Variants in AKAP11 observed in about 807,000 individuals in gnomAD.
AKAP11 encodes A-kinase anchoring protein 11, also known as A-kinase anchor protein 11.
Under a neutral mutation model 146.1 loss-of-function variants are expected in AKAP11, and 36 were observed. The observed-to-expected ratio is 0.25, with a 90% CI of 0.19 to 0.33. The LOEUF (loss-of-function observed/expected upper bound fraction) is 0.33. AKAP11 is among the 10% of genes least tolerant of loss of function. The pLI, the probability that AKAP11 is intolerant of heterozygous loss-of-function variation, is 1.00. For synonymous variants in AKAP11, 780 were observed against 786.5 expected, an observed-to-expected ratio of 0.99 and a Z score of 0.14; for missense variants, 2,201 against 2,197.0, an observed-to-expected ratio of 1.00 and a Z score of -0.04.
At position 42,319,950 on chromosome 13, in the gene AKAP11, T is replaced by TGTGTGTGTGTGTGTGTG; in HGVS notation, c.*722_*723insGTGTGTGTGTGTGTGTG. 7.0e-6 allele frequency: 1 copy of TGTGTGTGTGTGTGTGTG among 143,394 alleles called. No individual in the cohort carries two copies. The highest frequency in any genetic ancestry group is 1.5e-5 in the Non-Finnish European group (1 of 65,336). 8.9% of individuals were successfully genotyped at this position (143,394 alleles called of 1,614,324 possible). On this transcript the variant is annotated 3_prime_UTR_variant, in exon 13 of 13. Transcript: ENST00000025301. ...GTGTGTGTGTGTGTGTGTGTGTGTG[T>TGTGTGTGTGTGTGTGTG]AAGGGAGTACTTTAACCTTGCCAGT...
chr13:42,272,353 C>T (rs1300002907), intron 1 of AKAP11, 125 bp downstream of exon 1: 3 of 152,204 alleles, frequency 2.0e-5, no homozygotes, highest in East Asian at 1.9e-4. Context: ...GCCGCTGGTC[C>T]CCCTTCTGGC....
Position 42,302,682 on chromosome 13 carries a change from A to T in AKAP11, c.3936A>T (p.Pro1312=). ...TGGATATAGAGGCTGTAGTGCACCC[A>T]AGAGAAGTGGATCCGTTTATTCTTT... ...EKLDIEAVVH[P]REVDPFILSL... The change falls in exon 8 of 13, where the codon CCA becomes CCT. Residue 1312 remains proline (P), a synonymous_variant. Coordinates refer to ENST00000025301, the MANE Select transcript of AKAP11 (RefSeq NM_016248.4). The T allele has an allele frequency of 6.2e-7, 1 of 1,614,156 alleles. No individual in the cohort carries two copies. Among genetic ancestry groups the T allele is most frequent in the Non-Finnish European group, 8.5e-7 (1 of 1,180,024 alleles).
rs1430165475 is a variant in AKAP11 at position 42,301,492 on chromosome 13, C to T, written c.2746C>T (p.Pro916Ser). 6.2e-7 allele frequency: 1 copy of T among 1,613,716 alleles called. No homozygotes were observed. The change falls in exon 8 of 13, where the codon CCT (proline) becomes TCT (serine). Residue 916 changes from proline to serine, a missense_variant. By Grantham distance (74) the Pro-to-Ser change is moderately conservative. Transcript: ENST00000025301. ...YLTKSLKEKT[P>S]PFSHCDQAVL... ...AACTAAATCTTTAAAGGAGAAAACC[C>T]CTCCATTTTCCCACTGTGATCAGGC... is the stretch of plus-strand genomic sequence containing the variant.
At chr13:42,312,754 T>C (rs984765912) in intron 9 of AKAP11, among the ~76,000 whole-genome samples, 4 of 152,234 alleles carry the variant, frequency 2.6e-5, no homozygotes, top group African/African-American at 7.2e-5. Context: ...GTGAAACTTA[T>C]TACTTCATGC....
rs527649052 is a variant in AKAP11 at position 42,295,457 on chromosome 13, T to C, written c.169-238T>C. ...GAGAGAAGTGGATATATTTGAAATA[T>C]GTTTTGGGGTTAGAATTGATTGAAC... is the stretch of plus-strand genomic sequence containing the variant. On this transcript the variant is annotated intron_variant, in intron 4 of 12. Transcript: ENST00000025301. Among the ~76,000 whole-genome samples the C allele has an allele frequency of 3.7e-4, 56 of 152,228 alleles. 1 individual carries two copies. Among genetic ancestry groups the C allele is most frequent in the Non-Finnish European group, 1.5e-4 (10 of 68,002 alleles).
intron 4 of AKAP11, among the ~76,000 whole-genome samples, chr13:42,294,597 TTTC>T (rs1959397962): frequency 6.6e-6 from 1 of 152,066 alleles, no homozygotes; most frequent in East Asian, 1.9e-4. Flanking sequence ...AGAGACGAGG[TTTC>T]ACCATGTTGG....
chr13:42,272,116 G>A (rs1958780497), upstream of AKAP11: 3 of 149,872 alleles, frequency 2.0e-5, no homozygotes, highest in Admixed American at 2.0e-4. Context: ...GCGGGGCTGG[G>A]AGGGGGAGGG....
rs77086651 is a variant in AKAP11 at position 42,286,901 on chromosome 13, C to A, written c.51+502C>A. Among the ~76,000 whole-genome samples the A allele has an allele frequency of 5.6e-3, 857 of 152,256 alleles. 10 individuals are homozygous for A. Among genetic ancestry groups the A allele is most frequent in the African/African-American group, 0.019 (788 of 41,550 alleles). ...CCATTTCTTGACATTTTTGTCTTTG[C>A]TAAAACTTTGGAGGCACTACCCATG... On this transcript the variant is annotated intron_variant, in intron 3 of 12. Coordinates refer to ENST00000025301, the MANE Select transcript of AKAP11 (RefSeq NM_016248.4).
chr13:42,317,477 G>C, intron 11 of AKAP11, 51 bp from the exon 12 acceptor site: 1 of 1,530,954 alleles, frequency 6.5e-7, no homozygotes, highest in African/African-American at 1.4e-5. Flanking sequence ...CCAGAGTATT[G>C]AGAGTTAAAT....
chr13:42,317,447 T>C, intron 11 of AKAP11, 81 bp from the exon 12 acceptor site: 2 of 1,383,412 alleles, frequency 1.4e-6, no homozygotes, highest in Non-Finnish European at 2.0e-6. Context: ...AACCAGAAAA[T>C]ATTTGTATCT....
At chr13:42,306,749 A>C (rs1284006859) in intron 8 of AKAP11, among the ~76,000 whole-genome samples, 1 of 152,220 alleles carries the variant, frequency 6.6e-6, no homozygotes, top group African/African-American at 2.4e-5. Context: ...TGTTTGATTC[A>C]TGAACATGAC....
chr13:42,300,390 T>C lies in AKAP11; in HGVS notation c.1644T>C (p.Asp548=). The C allele has an allele frequency of 1.2e-6, 2 of 1,611,000 alleles. No individual in the cohort carries two copies. The highest frequency in any genetic ancestry group is 1.1e-5 in the South Asian group (1 of 89,818). Residue 548 remains aspartate (D), a synonymous_variant, in exon 8 of 13, where the codon GAT becomes GAC. Coordinates refer to ENST00000025301, the MANE Select transcript of AKAP11 (RefSeq NM_016248.4). The stretch of plus-strand genomic sequence containing the variant: ...AAAATAAATCCTTAATGATTAAAGA[T>C]AGCATTCAAAAATTTGCAGCAGATC... ...KSKNKSLMIK[D]SIQKFAADLV...
intron 12 of AKAP11, among the ~76,000 whole-genome samples, chr13:42,318,805 G>A (rs1960950254): frequency 6.6e-6 from 1 of 152,142 alleles, no homozygotes; most frequent in Admixed American, 6.5e-5. Flanking sequence ...GCCTCTGCAT[G>A]TCCATGCAGA....
At position 42,299,514 on chromosome 13, in the gene AKAP11, G is replaced by C. The variant is rs1959722421; in HGVS notation, c.768G>C (p.Leu256=). Residue 256 remains leucine, a synonymous_variant, in exon 8 of 13, where the codon CTG becomes CTC. Coordinates refer to ENST00000025301, the MANE Select transcript of AKAP11 (RefSeq NM_016248.4). ...AKPSTSSVNV[L]GHKELPSVKT... The stretch of plus-strand genomic sequence containing the variant: ...CCTCAACTTCCTCAGTGAATGTCCT[G>C]GGACATAAAGAACTACCTTCTGTGA... 1.2e-6 allele frequency: 2 copies of C among 1,613,896 alleles called. No homozygotes were observed. Among genetic ancestry groups the C allele is most frequent in the South Asian group, 2.2e-5 (2 of 91,080 alleles).
At chr13:42,304,071 T>A (rs929578323) in intron 8 of AKAP11, among the ~76,000 whole-genome samples, 1 of 152,178 alleles carries the variant, frequency 6.6e-6, no homozygotes, top group Non-Finnish European at 1.5e-5. Flanking sequence ...GAAGGTGTTA[T>A]CCATTTACAG....
At chr13:42,296,935 C>T in intron 5 of AKAP11, 113 bp from the exon 6 acceptor site, 1 of 796,950 alleles carries the variant, frequency 1.3e-6, no homozygotes, top group South Asian at 2.3e-5. Context: ...TATTATGAAC[C>T]AGGAAATTCA....
chr13:42,310,581 G>A (rs1312295208), intron 9 of AKAP11, among the ~76,000 whole-genome samples: 9 of 152,158 alleles, frequency 5.9e-5, no homozygotes, highest in South Asian at 2.1e-4. Flanking sequence ...GGCTGGGCGC[G>A]GTGATTCACG....
intron 1 of AKAP11, among the ~76,000 whole-genome samples, chr13:42,279,339 G>C (rs1959007770): frequency 6.6e-6 from 1 of 151,968 alleles, no homozygotes. Context: ...TGGAACTCCA[G>C]TTATTCACCT....
intron 4 of AKAP11, among the ~76,000 whole-genome samples, chr13:42,293,288 A>G (rs927398174): frequency 1.3e-5 from 2 of 152,214 alleles, no homozygotes; most frequent in African/African-American, 4.8e-5. Context: ...TTGAAAATGC[A>G]TTTAAGACCT....
Sources: allele counts gnomAD v4.1 joint callset (sites outside exome capture counted in the v4.1 genomes callset), GRCh38; gene constraint gnomAD v4.1.1; transcripts MANE v1.5; gene names NCBI Gene and HGNC (gene_info 2026-07-23, HGNC 2026-07-21).